The following TLN2 variants were observed in gnomAD, a reference collection of about 807,000 sequenced individuals.
TLN2 encodes the protein talin-2.
A neutral mutation model predicts 294.7 loss-of-function variants in TLN2; 118 were observed. The observed-to-expected ratio is 0.40, with a 90% CI of 0.34 to 0.47. The LOEUF is 0.47. Ranked by LOEUF, TLN2 falls within the 20% of genes least tolerant of loss-of-function variation. The pLI is 0.84. For missense variants in TLN2, 3,083 were observed against 3,282.2 expected, an observed-to-expected ratio of 0.94 and a Z score of 1.48; for synonymous variants, 1,431 against 1,304.5, an observed-to-expected ratio of 1.10 and a Z score of -2.09.
intron 11 of TLN2, among the ~76,000 whole-genome samples, chr15:62,678,793 T>G (rs922826767): frequency 1.3e-5 from 2 of 152,198 alleles, no homozygotes; most frequent in African/African-American, 4.8e-5. Context: ...ATTGCACTAC[T>G]GCACTCCCAC....
chr15:62,700,762 G>A (rs2058667441), intron 16 of TLN2, among the ~76,000 whole-genome samples: 1 of 152,202 alleles, frequency 6.6e-6, no homozygotes, highest in Non-Finnish European at 1.5e-5. Context: ...GTGCTAATGT[G>A]CAGTATTATG....
chr15:62,801,318 G>A (rs1196687223), intron 50 of TLN2, among the ~76,000 whole-genome samples: 2 of 152,218 alleles, frequency 1.3e-5, no homozygotes, highest in Admixed American at 1.3e-4. Context: ...GCATTGCAGA[G>A]TTGAGGACAT....
chr15:62,528,158 C>G (rs1362088005), intron 1 of TLN2, among the ~76,000 whole-genome samples: 10 of 151,984 alleles, frequency 6.6e-5, no homozygotes, highest in Non-Finnish European at 1.5e-4. Context: ...ATTGAGAAAG[C>G]TTATGAGGTT....
chr15:62,514,024 C>T (rs954219471), intron 1 of TLN2, among the ~76,000 whole-genome samples: 1 of 152,212 alleles, frequency 6.6e-6, no homozygotes, highest in African/African-American at 2.4e-5. Flanking sequence ...TTGGCAGAAA[C>T]CTCAACATTA....
chr15:62,398,949 A>T (rs1204446680), intron 1 of TLN2, among the ~76,000 whole-genome samples: 1 of 152,106 alleles, frequency 6.6e-6, no homozygotes, highest in Non-Finnish European at 1.5e-5. Flanking sequence ...CCGGAGGCCT[A>T]GGAGGGAAAA....
At chr15:62,795,415 C>T (rs2141128162) in intron 46 of TLN2, among the ~76,000 whole-genome samples, 1 of 152,226 alleles carries the variant, frequency 6.6e-6, no homozygotes, top group East Asian at 1.9e-4. Flanking sequence ...AGGAAAGTAC[C>T]TCGGAGCAGT....
chr15:62,641,048 C>T (rs986502390), intron 3 of TLN2, among the ~76,000 whole-genome samples: 6 of 151,764 alleles, frequency 4.0e-5, no homozygotes, highest in African/African-American at 1.2e-4. Context: ...GTAATCTACC[C>T]ACCTCAGCCT....
chr15:62,612,041 G>T (rs1209412913), intron 2 of TLN2, among the ~76,000 whole-genome samples: 1 of 152,086 alleles, frequency 6.6e-6, no homozygotes, highest in Non-Finnish European at 1.5e-5. Flanking sequence ...ACTTCAAATT[G>T]GGATACAGAC....
At chr15:62,550,153 G>A (rs1309281477) in intron 1 of TLN2, among the ~76,000 whole-genome samples, 1 of 152,114 alleles carries the variant, frequency 6.6e-6, no homozygotes, top group Admixed American at 6.5e-5. Flanking sequence ...GGATGGAGGA[G>A]AGCTTCCAGG....
chr15:62,407,288 A>G (rs2033463406), intron 1 of TLN2, among the ~76,000 whole-genome samples: 1 of 152,166 alleles, frequency 6.6e-6, no homozygotes, highest in South Asian at 2.1e-4. Flanking sequence ...ACTAAATAGT[A>G]GATAAGTTTG....
chr15:62,473,978 C>T (rs1346232057), intron 1 of TLN2, among the ~76,000 whole-genome samples: 1 of 152,164 alleles, frequency 6.6e-6, no homozygotes, highest in Non-Finnish European at 1.5e-5. Flanking sequence ...TCTGTAACCC[C>T]AGCTACTTGG....
chr15:62,564,084 T>G (rs2043190661), intron 1 of TLN2, among the ~76,000 whole-genome samples: 1 of 152,204 alleles, frequency 6.6e-6, no homozygotes, highest in South Asian at 2.1e-4. Flanking sequence ...ACTGGTGGTG[T>G]TTTGAGTTTT....
At chr15:62,649,121 C>T (rs1317545018) in intron 4 of TLN2, among the ~76,000 whole-genome samples, 1 of 152,198 alleles carries the variant, frequency 6.6e-6, no homozygotes, top group Non-Finnish European at 1.5e-5. Context: ...GGATTACAGG[C>T]GTGAGCAACT....
chr15:62,792,369 C>G (rs1020553406), intron 45 of TLN2, among the ~76,000 whole-genome samples: 4 of 152,154 alleles, frequency 2.6e-5, no homozygotes. Context: ...AGCAGATAAG[C>G]TATAAACCAG....
chr15:62,840,360 G>A (rs2070498546), intron 58 of TLN2, 122 bp from the exon 59 acceptor site: 2 of 1,408,516 alleles, frequency 1.4e-6, no homozygotes, highest in Admixed American at 2.3e-5. Flanking sequence ...TAAGAAAGCT[G>A]TTCCGGATGT....
intron 3 of TLN2, among the ~76,000 whole-genome samples, chr15:62,620,502 C>CT (rs137871004): frequency 0.016 from 2,225 of 136,794 alleles, 36 homozygotes; most frequent in Admixed American, 0.05. Context: ...TTCTTTCTTT[C>CT]TTTTTTTTTT....
At chr15:62,703,131 C>G (rs2058819995) in intron 19 of TLN2, among the ~76,000 whole-genome samples, 2 of 149,270 alleles carry the variant, frequency 1.3e-5, no homozygotes, top group South Asian at 4.2e-4. Flanking sequence ...AAATTAGAGT[C>G]TCACTCTGTT....
At chr15:62,640,865 G>A (rs955844542) in intron 3 of TLN2, among the ~76,000 whole-genome samples, 36 of 152,136 alleles carry the variant, frequency 2.4e-4, no homozygotes, top group Admixed American at 1.3e-3. Flanking sequence ...GCAGTGGCGC[G>A]ATCTTGGCTC....
chr15:62,445,544 A>G (rs181476604), intron 1 of TLN2, among the ~76,000 whole-genome samples: 1 of 152,216 alleles, frequency 6.6e-6, no homozygotes, highest in Admixed American at 6.5e-5. Context: ...GTAAACATAA[A>G]TGTAGCTGTT....
Sources: allele counts gnomAD v4.1 joint callset (sites outside exome capture counted in the v4.1 genomes callset), GRCh38; gene constraint gnomAD v4.1.1; transcripts MANE v1.5; gene names NCBI Gene and HGNC (gene_info 2026-07-23, HGNC 2026-07-21).